CREBBP: variants seen among roughly 807,000 people sequenced by gnomAD.
CREBBP encodes CREB-binding protein.
A neutral mutation model predicts 265.0 loss-of-function variants in CREBBP; 19 were observed. That is an observed-to-expected ratio of 0.07 (90% CI 0.05 to 0.11). The LOEUF (loss-of-function observed/expected upper bound fraction) is 0.11. Among genes scored for constraint, CREBBP ranks in the 10% least tolerant of loss-of-function variants. CREBBP has a pLI of 1.00. For synonymous variants in CREBBP, 1,457 were observed against 1,223.7 expected (o/e 1.19, Z -3.98); for missense variants, 2,525 against 3,219.0 (o/e 0.78, Z 5.22).
chr16:3,776,896 T>C (rs1184289016), intron 11 of CREBBP, among the ~76,000 whole-genome samples: 1 of 151,824 alleles, frequency 6.6e-6, no homozygotes, highest in Non-Finnish European at 1.5e-5. Context: ...CAGGTGCCTG[T>C]AGTCTCAGCT....
intron 1 of CREBBP, among the ~76,000 whole-genome samples, chr16:3,856,850 T>C (rs1246116973): frequency 6.6e-6 from 1 of 152,208 alleles, no homozygotes; most frequent in Non-Finnish European, 1.5e-5. Flanking sequence ...CTGGCTATTT[T>C]GAACATCCCT....
intron 3 of CREBBP, among the ~76,000 whole-genome samples, chr16:3,795,902 C>T (rs528120867): frequency 2.6e-5 from 4 of 152,330 alleles, no homozygotes; most frequent in Admixed American, 1.3e-4. Flanking sequence ...AACCATCCTT[C>T]TTGGGCATCA....
intron 2 of CREBBP, among the ~76,000 whole-genome samples, chr16:3,841,716 A>G (rs1296673559): frequency 1.3e-5 from 2 of 152,176 alleles, no homozygotes; most frequent in Non-Finnish European, 2.9e-5. Flanking sequence ...TTTCTTAGCC[A>G]ACTTGGTTCT....
intron 2 of CREBBP, among the ~76,000 whole-genome samples, chr16:3,823,555 C>G (rs970558681): frequency 1.3e-5 from 2 of 152,162 alleles, no homozygotes; most frequent in African/African-American, 2.4e-5. Context: ...AGGTCGACAC[C>G]TACTCAGGAC....
chr16:3,867,326 A>C (rs933896282), intron 1 of CREBBP, among the ~76,000 whole-genome samples: 3 of 151,990 alleles, frequency 2.0e-5, no homozygotes, highest in African/African-American at 7.3e-5. Context: ...CCCTGTCTCT[A>C]CAAAAATAAT....
intron 1 of CREBBP, among the ~76,000 whole-genome samples, chr16:3,857,205 C>CT (rs1288423167): frequency 6.6e-6 from 1 of 152,128 alleles, no homozygotes; most frequent in Non-Finnish European, 1.5e-5. Flanking sequence ...ATGTCCTGGG[C>CT]TAGTGTTTTT....
At chr16:3,736,932 G>A in intron 26 of CREBBP, 117 bp from the exon 27 acceptor site, 5 of 1,264,146 alleles carry the variant, frequency 4.0e-6, no homozygotes, top group Admixed American at 1.9e-5. Context: ...CAGAGAGAGA[G>A]AATGAATGCC....
At chr16:3,779,970 G>A (rs985028886) in intron 8 of CREBBP, among the ~76,000 whole-genome samples, 7 of 152,092 alleles carry the variant, frequency 4.6e-5, no homozygotes, top group Admixed American at 2.6e-4. Flanking sequence ...CAAAAAGGCC[G>A]GGTGCGGTGG....
At chr16:3,807,993 GTT>G (rs1228370881) in intron 3 of CREBBP, among the ~76,000 whole-genome samples, 1 of 152,134 alleles carries the variant, frequency 6.6e-6, no homozygotes, top group Non-Finnish European at 1.5e-5. Flanking sequence ...GTCCACAGGG[GTT>G]CTTGTGAGAC....
chr16:3,785,620 G>A (rs879713653), intron 5 of CREBBP, among the ~76,000 whole-genome samples: 24 of 152,216 alleles, frequency 1.6e-4, no homozygotes, highest in African/African-American at 4.3e-4. Flanking sequence ...CCCTCGCAGC[G>A]CAGCCCATGG....
intron 2 of CREBBP, among the ~76,000 whole-genome samples, chr16:3,821,593 T>A (rs1471057167): frequency 6.6e-6 from 1 of 151,964 alleles, no homozygotes; most frequent in Non-Finnish European, 1.5e-5. Flanking sequence ...GTCCTAATAT[T>A]TTTTTTTAGG....
chr16:3,786,628 C>T (rs528839565), intron 5 of CREBBP, among the ~76,000 whole-genome samples: 22 of 152,284 alleles, frequency 1.4e-4, no homozygotes, highest in Middle Eastern at 6.8e-3. Flanking sequence ...GGTCACCCAA[C>T]GCAGGCCAGA....
chr16:3,769,300 C>A lies in CREBBP; in HGVS notation c.2934G>T (p.Val978=), dbSNP rs769164313. The A allele has an allele frequency of 2.8e-5, 45 of 1,614,064 alleles. No individual in the cohort carries two copies. The highest frequency in any genetic ancestry group is 3.7e-5 in the Non-Finnish European group (44 of 1,180,038). ...GCTGGGAATTGGTTTCTGCGCTGGC[C>A]ACCGAGGAGGGGGTAGGGACTCTGT... The part of the protein sequence containing the change: ...IDNRVPTPSS[V]ASAETNSQQP... The change falls in exon 15 of 31, where the codon GTG becomes GTT. Residue 978 remains valine, a synonymous_variant. Coordinates refer to ENST00000262367, the MANE Select transcript of CREBBP (RefSeq NM_004380.3).
At chr16:3,793,277 G>GGCA in intron 4 of CREBBP, 109 bp downstream of exon 4, 2 of 1,464,030 alleles carry the variant, frequency 1.4e-6, no homozygotes, top group Non-Finnish European at 1.9e-6. Context: ...CCCAATGGAA[G>GGCA]GCAGCACTCA....
intron 2 of CREBBP, among the ~76,000 whole-genome samples, chr16:3,829,776 A>G (rs532775402): frequency 6.6e-6 from 1 of 152,242 alleles, no homozygotes; most frequent in Non-Finnish European, 1.5e-5. Context: ...TACACAGTCT[A>G]AAAGTACTGG....
chr16:3,824,122 C>T (rs773021192), intron 2 of CREBBP, among the ~76,000 whole-genome samples: 6 of 152,326 alleles, frequency 3.9e-5, no homozygotes, highest in South Asian at 2.1e-4. Flanking sequence ...CAGACATGTG[C>T]GGTTAACAGG....
intron 1 of CREBBP, among the ~76,000 whole-genome samples, chr16:3,865,446 A>G (rs2055157997): frequency 6.6e-6 from 1 of 152,146 alleles, no homozygotes; most frequent in Non-Finnish European, 1.5e-5. Flanking sequence ...GTTAAGAAGA[A>G]AAAGGCAGGA....
At chr16:3,792,212 C>G in intron 4 of CREBBP, 118 bp from the exon 5 acceptor site, 1 of 859,354 alleles carries the variant, frequency 1.2e-6, no homozygotes, top group Non-Finnish European at 1.9e-6. Context: ...AACCATAACA[C>G]AGTATAGGCA....
intron 15 of CREBBP, 38 bp downstream of exon 15, chr16:3,769,136 G>T (rs199594207): frequency 1.2e-6 from 2 of 1,611,846 alleles, no homozygotes; most frequent in South Asian, 1.1e-5. Flanking sequence ...GTAAAGTTGC[G>T]ATACGCAGTC....
Sources: gnomAD v4.1 joint callset for allele counts (sites outside exome capture counted in the v4.1 genomes callset) on GRCh38, gnomAD v4.1.1 for gene constraint, MANE v1.5 for transcripts, NCBI Gene and HGNC (gene_info 2026-07-23, HGNC 2026-07-21) for gene names.